Variants in CDK13 observed in about 807,000 individuals in gnomAD.
The protein encoded by CDK13 is cyclin-dependent kinase 13.
Under a neutral mutation model 137.6 loss-of-function variants are expected in CDK13, and 40 were observed. That is an observed-to-expected ratio of 0.29 (90% CI 0.23 to 0.38). The LOEUF (loss-of-function observed/expected upper bound fraction) is 0.38. CDK13 is among the 10% of genes least tolerant of loss of function. The pLI is 1.00. For missense variants in CDK13, 1,704 were observed against 1,951.8 expected, an observed-to-expected ratio of 0.87 and a Z score of 2.39; for synonymous variants, 869 against 760.1, an observed-to-expected ratio of 1.14 and a Z score of -2.36.
At chr7:40,035,858 A>T (rs1407325269) in intron 5 of CDK13, among the ~76,000 whole-genome samples, 1 of 130,968 alleles carries the variant, frequency 7.6e-6, no homozygotes, top group Non-Finnish European at 1.6e-5. Context: ...GAAGGTTGGG[A>T]ATCGCTGCTT....
At chr7:40,055,041 A>G (rs552654948) in intron 7 of CDK13, among the ~76,000 whole-genome samples, 25 of 152,272 alleles carry the variant, frequency 1.6e-4, no homozygotes, top group African/African-American at 5.1e-4. Flanking sequence ...TGAAATGCAC[A>G]ATAGTTAACG....
chr7:40,038,033 T>C (rs1014786611), intron 5 of CDK13, among the ~76,000 whole-genome samples: 3 of 152,188 alleles, frequency 2.0e-5, no homozygotes, highest in Admixed American at 1.3e-4. Context: ...ATTTTAATTA[T>C]ATAAAACATT....
chr7:39,950,667 TG>T lies in CDK13; in HGVS notation c.32del (p.Gly11GlufsTer5), dbSNP rs1208292195. On this transcript the variant is annotated frameshift_variant, in exon 1 of 14. Transcript: ENST00000181839. LOFTEE classifies it high-confidence loss of function. ...ATGCCGAGCAGCTCGGACACGGCGC[TG>T]GGGGGAGGCGGGGGCCTGAGCTGGG... MPSSSDTA[L>X]GGGGGLSWAE... 5.8e-6 allele frequency: 8 copies of T among 1,375,508 alleles called. No homozygotes were observed. Among genetic ancestry groups the T allele is most frequent in the South Asian group, 3.3e-5 (2 of 60,680 alleles). The allele number at this position is 1,375,508 out of a possible 1,614,324, so 85.2% of individuals were successfully genotyped here.
intron 1 of CDK13, among the ~76,000 whole-genome samples, chr7:39,965,957 C>G (rs1217616066): frequency 6.6e-6 from 1 of 152,216 alleles, no homozygotes; most frequent in East Asian, 1.9e-4. Context: ...CCACTCTCTT[C>G]TGGCTTGTAG....
At chr7:39,957,272 C>T (rs543289859) in intron 1 of CDK13, among the ~76,000 whole-genome samples, 2 of 105,506 alleles carry the variant, frequency 1.9e-5, no homozygotes, top group South Asian at 5.9e-4. Flanking sequence ...ATCTTGAGAC[C>T]TTTTTCCATT....
Position 39,951,829 on chromosome 7 carries a change from C to G in CDK13, c.1188C>G (p.Arg396=). Residue 396 remains arginine, a synonymous_variant, in exon 1 of 14, where the codon CGC becomes CGG. Coordinates refer to ENST00000181839, the MANE Select transcript of CDK13 (RefSeq NM_003718.5). The part of the protein sequence containing the change: ...PYSSSSWRRS[R]SPYSPVLRRS... ...GCAGCAGCAGCTGGCGCCGCTCTCG[C>G]AGTCCCTACAGCCCTGTGCTCAGGT... 6.9e-7 allele frequency: 1 copy of G among 1,456,836 alleles called. No individual in the cohort carries two copies. The highest frequency in any genetic ancestry group is 9.0e-7 in the Non-Finnish European group (1 of 1,114,108). 90.2% of individuals were successfully genotyped at this position (1,456,836 alleles called of 1,614,324 possible).
At chr7:40,064,966 T>A (rs1786248486) in intron 9 of CDK13, among the ~76,000 whole-genome samples, 6 of 42,942 alleles carry the variant, frequency 1.4e-4, no homozygotes, top group Admixed American at 2.2e-4. Flanking sequence ...GATTTTTTTT[T>A]TTTTTTTTTT....
intron 7 of CDK13, among the ~76,000 whole-genome samples, chr7:40,059,693 A>G (rs1562754294): frequency 6.6e-6 from 1 of 152,198 alleles, no homozygotes; most frequent in African/African-American, 2.4e-5. Flanking sequence ...ATTGGAATCT[A>G]TCAATGAACA....
intron 1 of CDK13, chr7:39,986,041 A>G (rs1013117161): frequency 6.6e-6 from 1 of 152,290 alleles, no homozygotes; most frequent in Non-Finnish European, 1.5e-5. Context: ...TGTTGGGGTC[A>G]GCATCATTGG....
At chr7:40,038,453 G>A (rs191009062) in intron 5 of CDK13, among the ~76,000 whole-genome samples, 15 of 152,172 alleles carry the variant, frequency 9.9e-5, no homozygotes, top group Non-Finnish European at 2.1e-4. Context: ...ACATCATTTT[G>A]TATTTTGGCC....
chr7:39,958,451 G>A (rs568978778), intron 1 of CDK13, among the ~76,000 whole-genome samples: 1 of 152,174 alleles, frequency 6.6e-6, no homozygotes, highest in South Asian at 2.1e-4. Context: ...AGGCCCCTTA[G>A]GTCCAGCTAC....
intron 1 of CDK13, among the ~76,000 whole-genome samples, chr7:39,957,214 TG>T (rs1787435398): frequency 6.6e-6 from 1 of 152,062 alleles, no homozygotes; most frequent in African/African-American, 2.4e-5. Context: ...CCTCCCAAAG[TG>T]TTGGGATTAC....
At chr7:40,060,866 G>C (rs1158198551) in intron 7 of CDK13, 2 of 152,246 alleles carry the variant, frequency 1.3e-5, no homozygotes, top group Non-Finnish European at 2.9e-5. Flanking sequence ...TCAGGAATTT[G>C]AGACCAGCCT....
intron 11 of CDK13, among the ~76,000 whole-genome samples, 194 bp from the exon 12 acceptor site, chr7:40,087,932 T>C (rs1786827624): frequency 6.6e-6 from 1 of 152,116 alleles, no homozygotes; most frequent in Non-Finnish European, 1.5e-5. Flanking sequence ...AAATAGATTA[T>C]CTGTAAAGGC....
At chr7:40,017,820 T>G (rs1785033195) in intron 5 of CDK13, among the ~76,000 whole-genome samples, 1 of 151,720 alleles carries the variant, frequency 6.6e-6, no homozygotes, top group African/African-American at 2.4e-5. Flanking sequence ...TTTTTTATAT[T>G]AAAAAAAATT....
chr7:40,082,141 T>C (rs762000178), intron 11 of CDK13, among the ~76,000 whole-genome samples: 22 of 152,214 alleles, frequency 1.4e-4, no homozygotes, highest in Admixed American at 1.2e-3. Context: ...GTCATAGTTA[T>C]ATCACTGAGT....
intron 1 of CDK13, among the ~76,000 whole-genome samples, chr7:39,953,615 A>G (rs1032542065): frequency 6.6e-5 from 10 of 152,208 alleles, no homozygotes. Flanking sequence ...TGTATGCCAT[A>G]TACTGTTTTA....
chr7:40,051,048 A>C (rs1469525812), intron 7 of CDK13, among the ~76,000 whole-genome samples: 1 of 152,162 alleles, frequency 6.6e-6, no homozygotes, highest in African/African-American at 2.4e-5. Flanking sequence ...TGGTGTGTTC[A>C]CTGGGCCATG....
At chr7:40,039,237 T>A (rs1785551764) in intron 5 of CDK13, among the ~76,000 whole-genome samples, 1 of 151,828 alleles carries the variant, frequency 6.6e-6, no homozygotes, top group South Asian at 2.1e-4. Context: ...TTCCCCCTAA[T>A]TTAGAGAGTT....
Sources: gnomAD v4.1 joint callset for allele counts (sites outside exome capture counted in the v4.1 genomes callset) on GRCh38, gnomAD v4.1.1 for gene constraint, MANE v1.5 for transcripts, NCBI Gene and HGNC (gene_info 2026-07-23, HGNC 2026-07-21) for gene names.